SLC41A3: variants seen among roughly 807,000 people sequenced by gnomAD.
SLC41A3 encodes solute carrier family 41 member 3, also known as SLC41A1-like 2.
SLC41A3 carries 44 observed loss-of-function variants against 45.4 expected under a neutral mutation model. The observed-to-expected ratio is 0.97, with a 90% CI of 0.76 to 1.25. The LOEUF (loss-of-function observed/expected upper bound fraction) is 1.25, where lower values mean the gene tolerates loss of function less well. Among genes scored for constraint, SLC41A3 ranks in the 50% most tolerant of loss-of-function variants. SLC41A3 has a pLI of 0.00. For synonymous variants in SLC41A3, 256 were observed against 252.4 expected, an observed-to-expected ratio of 1.01 and a Z score of -0.13; for missense variants, 550 against 600.6, an observed-to-expected ratio of 0.92 and a Z score of 0.88.
At chr3:126,038,065 A>C (rs934007728) in intron 3 of SLC41A3, among the ~76,000 whole-genome samples, 1 of 152,240 alleles carries the variant, frequency 6.6e-6, no homozygotes, top group Admixed American at 6.5e-5. Context: ...AGTGGTGTAA[A>C]GTCTGTCAGT....
chr3:126,050,918 C>A, intron 3 of SLC41A3, 25 bp downstream of exon 3: 1 of 1,600,952 alleles, frequency 6.2e-7, no homozygotes, highest in South Asian at 1.1e-5. Context: ...TTGTGGCCGC[C>A]TCGAATGTCC....
At position 126,026,307 on chromosome 3, in the gene SLC41A3, G is replaced by A. The variant is rs1314855750; in HGVS notation, c.598+28C>T. The A allele has an allele frequency of 6.4e-7, 1 of 1,553,090 alleles. No homozygotes were observed. The highest frequency in any genetic ancestry group is 1.2e-5 in the South Asian group (1 of 84,116). ...GACCTCAGAGGAGCAGGGAGCGGGT[G>A]GGGGCTCACAGCTGGGGCATGGCTC... On this transcript the variant is annotated intron_variant, in intron 5 of 10. Transcript: ENST00000360370. The surrounding 1 kb of genome is among the most constrained non-coding windows in gnomAD (Gnocchi z 4.2).
At chr3:126,061,497 C>T (rs1944066002) in intron 2 of SLC41A3, among the ~76,000 whole-genome samples, 1 of 152,148 alleles carries the variant, frequency 6.6e-6, no homozygotes, top group African/African-American at 2.4e-5. Context: ...CAACGTTGAC[C>T]CCAGAACCTG....
At chr3:126,052,675 C>A (rs1380192654) in intron 2 of SLC41A3, among the ~76,000 whole-genome samples, 1 of 152,176 alleles carries the variant, frequency 6.6e-6, no homozygotes, top group Non-Finnish European at 1.5e-5. Context: ...GGATAAAGCA[C>A]CTGCTGACAG....
intron 1 of SLC41A3, among the ~76,000 whole-genome samples, chr3:126,069,992 A>C (rs912460127): frequency 6.6e-6 from 1 of 152,214 alleles, no homozygotes; most frequent in Non-Finnish European, 1.5e-5. Flanking sequence ...CTATGGAAGA[A>C]TATCAAGCAT....
upstream of SLC41A3, among the ~76,000 whole-genome samples, chr3:126,086,408 GTTTTTTTTTTTTTTTT>G (rs57316346): frequency 4.7e-5 from 1 of 21,184 alleles, no homozygotes; most frequent in Non-Finnish European, 1.1e-4. Context: ...TTGTTTTCTT[GTTTTTTTTTTTTTTTT>G]TTTTTTTTTT....
chr3:126,008,846 CA>C lies in SLC41A3; in HGVS notation c.1139del (p.Leu380CysfsTer8). The C allele has an allele frequency of 6.2e-7, 1 of 1,614,160 alleles. No homozygotes were observed. The highest frequency in any genetic ancestry group is 1.3e-5 in the African/African-American group (1 of 75,060). On this transcript the variant is annotated frameshift_variant, in exon 10 of 11. Coordinates refer to ENST00000360370, the MANE Select transcript of SLC41A3 (RefSeq NM_017836.4). LOFTEE classifies it high-confidence loss of function. ...AAATCAGATGGCCTGGGACCACCAGCAAGAGCAGGACTCGAGCTGACATGGA... is the reference window on the plus strand; with the variant it reads ...AAATCAGATGGCCTGGGACCACCAGCAGAGCAGGACTCGAGCTGACATGGA... The part of the protein sequence containing the change: ...INSMSARVLL[L>X]LVVPGHLIFF...
chr3:126,079,510 A>C (rs1193847215), intron 1 of SLC41A3, among the ~76,000 whole-genome samples: 1 of 152,242 alleles, frequency 6.6e-6, no homozygotes, highest in Non-Finnish European at 1.5e-5. Flanking sequence ...AAACTGACAC[A>C]GGATGGGAAC....
intron 8 of SLC41A3, 134 bp from the exon 9 acceptor site, chr3:126,012,883 C>T: frequency 7.5e-7 from 1 of 1,338,142 alleles, no homozygotes; most frequent in South Asian, 1.5e-5. Context: ...CCTTTCCTCC[C>T]ACTTGACCAC....
Position 126,026,381 on chromosome 3 carries a change from C to G in SLC41A3, c.552G>C (p.Leu184=). ...EEVDVAKVEL[L]CASSVLTAFL... ...AGGCAGTGAGGACACTGCTGGCACA[C>G]AGCAACTCCACCTTGGCGACATCCA... Residue 184 remains leucine (L), a synonymous_variant, in exon 5 of 11, where the codon CTG becomes CTC. Transcript: ENST00000360370. The surrounding 1 kb of genome is among the most constrained non-coding windows in gnomAD (Gnocchi z 4.2). 1 of 1,579,428 alleles carries G rather than the reference C, an allele frequency of 6.3e-7. No homozygotes were observed. The highest frequency in any genetic ancestry group is 8.6e-7 in the Non-Finnish European group (1 of 1,161,580).
At chr3:126,024,170 GCTT>G (rs1365292744) in intron 5 of SLC41A3, 3 of 152,224 alleles carry the variant, frequency 2.0e-5, no homozygotes, top group Admixed American at 2.0e-4. Flanking sequence ...TAACCGCAAT[GCTT>G]CTGAACAGCC....
chr3:126,077,389 T>C (rs1944928495), intron 1 of SLC41A3, among the ~76,000 whole-genome samples: 2 of 151,928 alleles, frequency 1.3e-5, no homozygotes, highest in East Asian at 1.9e-4. Flanking sequence ...CAAAAATAAA[T>C]AAATAAATAA....
rs1174484939 is a variant in SLC41A3 at position 126,022,827 on chromosome 3, G to C, written c.704C>G (p.Ser235Cys). The change falls in exon 6 of 11, where the codon TCC (serine) becomes TGC (cysteine). Residue 235 changes from serine to cysteine, a missense_variant. Coordinates refer to ENST00000360370, the MANE Select transcript of SLC41A3 (RefSeq NM_017836.4). ...GAAGCTGCTAACCAAAGCCAGAATG[G>C]ACAGTGTGATGAGGTCTCCCAGGCT... ...AASLGDLITL[S>C]ILALVSSFFY... is the part of the protein sequence containing the mutation. 1 of 1,614,226 alleles carries C rather than the reference G, an allele frequency of 6.2e-7. No homozygotes were observed. The highest frequency in any genetic ancestry group is 1.1e-5 in the South Asian group (1 of 91,084).
At position 126,021,570 on chromosome 3, in the gene SLC41A3, C is replaced by T. The variant is rs188842296; in HGVS notation, c.745+1216G>A. Among the ~76,000 whole-genome samples the T allele has an allele frequency of 5.0e-4, 76 of 152,282 alleles. 2 individuals carry two copies. The highest frequency in any genetic ancestry group is 2.7e-3 in the Admixed American group (42 of 15,302). ...AGGGACGGTTTTATGCCTGCCTGTCCGTTACTTAATGAGAACCAGACAGCT... is the reference window on the plus strand; with the variant it reads ...AGGGACGGTTTTATGCCTGCCTGTCTGTTACTTAATGAGAACCAGACAGCT... On this transcript the variant is annotated intron_variant, in intron 6 of 10. Transcript: ENST00000360370.
At position 126,022,933 on chromosome 3, in the gene SLC41A3, C is replaced by G; in HGVS notation, c.599-1G>C. 6.2e-7 allele frequency: 1 copy of G among 1,614,054 alleles called. No individual in the cohort carries two copies. Among genetic ancestry groups the G allele is most frequent in the Non-Finnish European group, 8.5e-7 (1 of 1,179,952 alleles). On this transcript the variant is annotated splice_acceptor_variant, in intron 5 of 10. Transcript: ENST00000360370. LOFTEE classifies it high-confidence loss of function. Reference sequence around the variant, plus strand: ...ATCACTATACAGACCATCAGCACCCCTGCAGAGAGAGAGAGGAGAAACAGC... The same window carrying G: ...ATCACTATACAGACCATCAGCACCCGTGCAGAGAGAGAGAGGAGAAACAGC...
intron 1 of SLC41A3, among the ~76,000 whole-genome samples, chr3:126,076,898 T>A (rs866772250): frequency 5.9e-4 from 90 of 152,236 alleles, no homozygotes; most frequent in African/African-American, 2.0e-3. Context: ...GATTCAGCCA[T>A]GCTGCCGAAT....
At chr3:126,040,086 G>A (rs890653958) in intron 3 of SLC41A3, among the ~76,000 whole-genome samples, 1 of 152,256 alleles carries the variant, frequency 6.6e-6, no homozygotes, top group Non-Finnish European at 1.5e-5. Flanking sequence ...GAGTGCCCAA[G>A]AGCGGGTGGG....
intron 1 of SLC41A3, among the ~76,000 whole-genome samples, chr3:126,069,920 T>C (rs1338698137): frequency 1.3e-5 from 2 of 151,728 alleles, no homozygotes; most frequent in Non-Finnish European, 2.9e-5. Context: ...TCAAGAGTGA[T>C]TATTCAGTAT....
chr3:126,098,925 C>CT (rs57262035), intron 1 of SLC41A3, among the ~76,000 whole-genome samples: 11,936 of 109,144 alleles, frequency 0.11, 1,032 homozygotes, highest in African/African-American at 0.22. Context: ...CATGACCTGG[C>CT]TTTTTTTTTT....
Sources: gnomAD v4.1 joint callset for allele counts (sites outside exome capture counted in the v4.1 genomes callset) on GRCh38, gnomAD v4.1.1 for gene constraint, Gnocchi (gnomAD v3.1) non-coding constraint, MANE v1.5 for transcripts, NCBI Gene and HGNC (gene_info 2026-07-23, HGNC 2026-07-21) for gene names.